Variants in WDR70 observed in about 807,000 individuals in gnomAD.
WDR70 encodes the protein WD repeat-containing protein 70.
In WDR70, 53 loss-of-function variants were observed where a neutral mutation model predicts 88.6. The observed-to-expected ratio is 0.60, with a 90% CI of 0.48 to 0.75. WDR70 has a LOEUF of 0.75. Ranked by LOEUF, WDR70 falls within the 30% of genes least tolerant of loss-of-function variation. WDR70 has a pLI of 0.00. For synonymous variants in WDR70, 280 were observed against 270.0 expected (o/e 1.04, Z -0.36); for missense variants, 610 against 823.2 (o/e 0.74, Z 3.17).
At chr5:37,646,544 G>A (rs1324231910) in intron 10 of WDR70, among the ~76,000 whole-genome samples, 1 of 152,054 alleles carries the variant, frequency 6.6e-6, no homozygotes, top group Non-Finnish European at 1.5e-5. Context: ...TGTAGGACAG[G>A]TCTAGTGTTG....
intron 8 of WDR70, among the ~76,000 whole-genome samples, chr5:37,498,375 C>T (rs1479408777): frequency 1.3e-5 from 2 of 152,110 alleles, no homozygotes; most frequent in Non-Finnish European, 2.9e-5. Flanking sequence ...TTTTTTCACT[C>T]CTCCTTTTCT....
At chr5:37,411,543 T>C (rs1222898996) in intron 5 of WDR70, among the ~76,000 whole-genome samples, 1 of 152,162 alleles carries the variant, frequency 6.6e-6, no homozygotes, top group Non-Finnish European at 1.5e-5. Context: ...CTGGCCAACA[T>C]GGCCAAACCC....
At chr5:37,550,327 G>A (rs1021426019) in intron 9 of WDR70, among the ~76,000 whole-genome samples, 7 of 152,202 alleles carry the variant, frequency 4.6e-5, no homozygotes, top group Non-Finnish European at 1.0e-4. Flanking sequence ...TTCATTGTGG[G>A]CAGAGAAGAT....
At chr5:37,406,410 G>A (rs1749354756) in intron 5 of WDR70, among the ~76,000 whole-genome samples, 1 of 152,196 alleles carries the variant, frequency 6.6e-6, no homozygotes, top group Non-Finnish European at 1.5e-5. Flanking sequence ...AGTAGAAAAA[G>A]GAGCAAAATA....
At chr5:37,748,175 T>G (rs1015324215) in intron 17 of WDR70, among the ~76,000 whole-genome samples, 3 of 152,210 alleles carry the variant, frequency 2.0e-5, no homozygotes, top group African/African-American at 7.2e-5. Flanking sequence ...GAACCCCGTA[T>G]AGCCAAGACA....
intron 10 of WDR70, among the ~76,000 whole-genome samples, chr5:37,647,398 A>G (rs1104717): frequency 0.11 from 16,079 of 152,104 alleles, 2,736 homozygotes; most frequent in African/African-American, 0.36. Context: ...TGGTAAGGCA[A>G]TGTTTTCCTG....
At chr5:37,600,221 A>G (rs780237543) in intron 9 of WDR70, among the ~76,000 whole-genome samples, 1 of 152,176 alleles carries the variant, frequency 6.6e-6, no homozygotes, top group Non-Finnish European at 1.5e-5. Flanking sequence ...TGACATCCAG[A>G]ATATTTAAAG....
In WDR70 at chr5:37,538,833, A is replaced by T. The variant is rs114572451; in HGVS notation, c.917+22243A>T. ...AAATGTTAATGAAAACCAGATGATA[A>T]TGAAGATTAAAAAATGCTTACTTAT... On this transcript the variant is annotated intron_variant, in intron 9 of 17. Transcript: ENST00000265107. Among the ~76,000 whole-genome samples, 1,218 of 152,296 alleles carry T rather than the reference A, an allele frequency of 8.0e-3. 19 individuals are homozygous for T. Among genetic ancestry groups the T allele is most frequent in the African/African-American group, 0.028 (1,154 of 41,562 alleles).
At chr5:37,570,050 C>A (rs1342417989) in intron 9 of WDR70, among the ~76,000 whole-genome samples, 1 of 151,906 alleles carries the variant, frequency 6.6e-6, no homozygotes, top group Non-Finnish European at 1.5e-5. Flanking sequence ...GGAGGGTAGA[C>A]TGAAAGGAAG....
At chr5:37,532,109 A>G (rs1303084705) in intron 9 of WDR70, among the ~76,000 whole-genome samples, 1 of 152,124 alleles carries the variant, frequency 6.6e-6, no homozygotes, top group Non-Finnish European at 1.5e-5. Context: ...AGCTTGAGGG[A>G]TTTCTGCTGA....
intron 10 of WDR70, among the ~76,000 whole-genome samples, chr5:37,648,061 C>T (rs868384895): frequency 6.6e-5 from 10 of 152,220 alleles, no homozygotes; most frequent in Middle Eastern, 6.8e-3. Context: ...GGACACAGAG[C>T]CAAGCCATAT....
At chr5:37,506,370 A>G in intron 8 of WDR70, 1 of 810,066 alleles carries the variant, frequency 1.2e-6, no homozygotes. Context: ...CAATAAATTA[A>G]TGCCATCATT....
intron 9 of WDR70, among the ~76,000 whole-genome samples, chr5:37,579,582 C>CAA (rs201135421): frequency 0.011 from 904 of 82,610 alleles, 17 homozygotes; most frequent in African/African-American, 0.034. Flanking sequence ...GACTCTGTCT[C>CAA]AAAAAAAAAA....
chr5:37,582,968 C>G (rs150173306), intron 9 of WDR70, among the ~76,000 whole-genome samples: 1 of 152,222 alleles, frequency 6.6e-6, no homozygotes, highest in East Asian at 1.9e-4. Flanking sequence ...TCCACTTGCT[C>G]TGTTGATCCT....
chr5:37,730,135 T>A (rs1748102640), intron 17 of WDR70, among the ~76,000 whole-genome samples: 1 of 152,206 alleles, frequency 6.6e-6, no homozygotes, highest in Non-Finnish European at 1.5e-5. Context: ...TCACCGTTTT[T>A]AATATACAAA....
intron 9 of WDR70, among the ~76,000 whole-genome samples, chr5:37,537,457 T>C (rs1305897004): frequency 1.3e-5 from 2 of 152,190 alleles, no homozygotes; most frequent in Admixed American, 1.3e-4. Context: ...TGACTTGAAT[T>C]GAGCTATCAA....
intron 7 of WDR70, among the ~76,000 whole-genome samples, chr5:37,463,291 A>G (rs1739068092): frequency 6.7e-6 from 1 of 148,998 alleles, no homozygotes; most frequent in Admixed American, 6.7e-5. Context: ...AAAAAGACTG[A>G]GTCTAGTGAA....
chr5:37,752,378 T>G, intron 17 of WDR70, 108 bp from the exon 18 acceptor site: 1 of 684,044 alleles, frequency 1.5e-6, no homozygotes, highest in Non-Finnish European at 2.5e-6. Context: ...ATAATTGAGT[T>G]GTAATTTATT....
intron 8 of WDR70, among the ~76,000 whole-genome samples, chr5:37,485,245 TAC>T (rs1361854492): frequency 1.3e-5 from 2 of 152,206 alleles, no homozygotes; most frequent in East Asian, 1.9e-4. Flanking sequence ...TCTACGAAAA[TAC>T]AGTCGATCCT....
Sources: gnomAD v4.1 joint callset for allele counts (sites outside exome capture counted in the v4.1 genomes callset) on GRCh38, gnomAD v4.1.1 for gene constraint, MANE v1.5 for transcripts, NCBI Gene and HGNC (gene_info 2026-07-23, HGNC 2026-07-21) for gene names.